Variants in DNAI2 observed in about 807,000 individuals in gnomAD.
The protein encoded by DNAI2 is dynein, axonemal, intermediate polypeptide 2.
A neutral mutation model predicts 74.7 loss-of-function variants in DNAI2; 63 were observed. The ratio of observed to expected loss-of-function variants is 0.84; its 90% CI spans 0.69 to 1.04. DNAI2 has a LOEUF of 1.04. Among genes scored for constraint, DNAI2 ranks in the 50% least tolerant of loss-of-function variants. DNAI2 has a pLI of 0.00. For synonymous variants in DNAI2, 289 were observed against 314.9 expected, an observed-to-expected ratio of 0.92 and a Z score of 0.87; for missense variants, 688 against 803.2, an observed-to-expected ratio of 0.86 and a Z score of 1.73.
rs1343486789 is a variant in DNAI2 at position 74,281,557 on chromosome 17, C to A, written c.-11-250C>A. On this transcript the variant is annotated intron_variant, in intron 1 of 13. Coordinates refer to ENST00000311014, the MANE Select transcript of DNAI2 (RefSeq NM_023036.6). ...ACAGTTGTCAGCTACCGCGCCTGGCCAAAATTTTTATTGCCCTCCTCAGAG... is the reference window on the plus strand; with the variant it reads ...ACAGTTGTCAGCTACCGCGCCTGGCAAAAATTTTTATTGCCCTCCTCAGAG... 5 of 586,684 alleles carry A rather than the reference C, an allele frequency of 8.5e-6. 1 individual carries two copies. 36.3% of individuals were successfully genotyped at this position (586,684 alleles called of 1,614,324 possible).
intron 3 of DNAI2, among the ~76,000 whole-genome samples, chr17:74,286,694 G>A (rs2051763144): frequency 6.6e-6 from 1 of 152,126 alleles, no homozygotes; most frequent in African/African-American, 2.4e-5. Flanking sequence ...CAAAGTGCTG[G>A]GATTACAGGC....
chr17:74,293,611 C>T (rs969191484), intron 6 of DNAI2, among the ~76,000 whole-genome samples: 27 of 151,570 alleles, frequency 1.8e-4, no homozygotes, highest in African/African-American at 6.0e-4. Context: ...GGCTAAGGCA[C>T]GAGAATCGCT....
In DNAI2 at chr17:74,300,213, G is replaced by C. The variant is rs1190693341; in HGVS notation, c.864+356G>C. Among the ~76,000 whole-genome samples, 3 of 152,144 alleles carry C rather than the reference G, an allele frequency of 2.0e-5. No homozygotes were observed. Among genetic ancestry groups the C allele is most frequent in the African/African-American group, 7.2e-5 (3 of 41,434 alleles). The stretch of plus-strand genomic sequence containing the variant: ...CCACCCGCCTTGGCCTCCCAAAGTG[G>C]TGGGATTACAGGCATGAGCCACTGC... On this transcript the variant is annotated intron_variant, in intron 7 of 13. Transcript: ENST00000311014. This position sits in a 1 kb window ranked among gnomAD's most constrained non-coding sequence, Gnocchi z 4.5.
intron 3 of DNAI2, 36 bp from the exon 4 acceptor site, chr17:74,286,941 A>G (rs372155299): frequency 1.9e-6 from 3 of 1,613,446 alleles, no homozygotes; most frequent in Non-Finnish European, 1.7e-6. Context: ...AAGGACCTCC[A>G]TTTACTGCGG....
intron 8 of DNAI2, among the ~76,000 whole-genome samples, chr17:74,304,189 T>TTTC (rs2053045288): frequency 1.8e-4 from 18 of 101,708 alleles, no homozygotes; most frequent in African/African-American, 9.6e-4. Flanking sequence ...CTTTTTTCTT[T>TTTC]TTTTTTTTTT....
At chr17:74,278,771 C>G (rs1365482869) in intron 1 of DNAI2, among the ~76,000 whole-genome samples, 1 of 150,986 alleles carries the variant, frequency 6.6e-6, no homozygotes, top group Non-Finnish European at 1.5e-5. Context: ...GAGATTCCAT[C>G]TCAAAAAAAA....
chr17:74,277,917 C>G lies in DNAI2; in HGVS notation c.-12+3572C>G, dbSNP rs117096441. Among the ~76,000 whole-genome samples the G allele has an allele frequency of 5.6e-4, 85 of 152,282 alleles. 1 individual carries two copies. The East Asian group carries it at 0.013, about 24-fold the overall frequency. On this transcript the variant is annotated intron_variant, in intron 1 of 13. Transcript: ENST00000311014. ...TCAAAGTTGGCTACACATGGAATTG[C>G]CTGGAGAATTAAAGAAAAAAAGCAT...
chr17:74,290,930 C>A, intron 5 of DNAI2, 90 bp from the exon 6 acceptor site: 2 of 1,148,856 alleles, frequency 1.7e-6, no homozygotes, highest in Non-Finnish European at 1.3e-6. Context: ...CCACCATGCC[C>A]CCGCTACCCA....
intron 6 of DNAI2, among the ~76,000 whole-genome samples, chr17:74,296,869 G>A (rs2052475408): frequency 6.6e-6 from 1 of 152,116 alleles, no homozygotes; most frequent in Admixed American, 6.5e-5. Flanking sequence ...ATCTTAACTA[G>A]GGCAAGTGAA....
At chr17:74,280,286 A>C (rs2051318584) in intron 1 of DNAI2, among the ~76,000 whole-genome samples, 1 of 152,104 alleles carries the variant, frequency 6.6e-6, no homozygotes, top group Non-Finnish European at 1.5e-5. Flanking sequence ...CTGCTGGAGC[A>C]CTTTCATTTC....
intron 6 of DNAI2, among the ~76,000 whole-genome samples, chr17:74,298,277 C>G (rs2052564798): frequency 6.6e-6 from 1 of 152,188 alleles, no homozygotes; most frequent in African/African-American, 2.4e-5. Flanking sequence ...CAAAGTAGAA[C>G]AGGCTTATCT....
At chr17:74,282,987 C>A (rs141008082) in intron 2 of DNAI2, among the ~76,000 whole-genome samples, 1 of 152,222 alleles carries the variant, frequency 6.6e-6, no homozygotes, top group African/African-American at 2.4e-5. Context: ...GCAGAATGGC[C>A]GCTATGTGGG....
In DNAI2 at chr17:74,310,003, G is replaced by T; in HGVS notation, c.1348-14G>T. On this transcript the variant is annotated splice_polypyrimidine_tract_variant and intron_variant, in intron 10 of 13. Coordinates refer to ENST00000311014, the MANE Select transcript of DNAI2 (RefSeq NM_023036.6). ...CTCTCTCCTCTACCTGGGTCTGCCC[G>T]GCCCCTTCAATAGGTGTGTGACGAG... 6.2e-6 allele frequency: 10 copies of T among 1,613,634 alleles called. No individual in the cohort carries two copies. The highest frequency in any genetic ancestry group is 1.3e-5 in the African/African-American group (1 of 75,020).
intron 1 of DNAI2, among the ~76,000 whole-genome samples, chr17:74,279,159 T>G (rs896765849): frequency 6.6e-6 from 1 of 152,118 alleles, no homozygotes; most frequent in Non-Finnish European, 1.5e-5. Context: ...AGAGGGAGAC[T>G]CCGTCTCAAA....
At chr17:74,305,146 T>A (rs993471038) in intron 8 of DNAI2, 73 bp from the exon 9 acceptor site, 3 of 1,528,666 alleles carry the variant, frequency 2.0e-6, no homozygotes, top group Non-Finnish European at 2.7e-6. Context: ...CCAAGCAAGC[T>A]CCTGTCCATG....
intron 6 of DNAI2, among the ~76,000 whole-genome samples, chr17:74,297,990 C>T (rs986782474): frequency 1.3e-5 from 2 of 152,238 alleles, no homozygotes; most frequent in Non-Finnish European, 2.9e-5. Context: ...GACCTGCTGC[C>T]TCCTGCCCAG....
rs1339534347 is a variant in DNAI2 at position 74,300,425 on chromosome 17, C to CTT, written c.864+570_864+571dup. Among the ~76,000 whole-genome samples the CTT allele has an allele frequency of 6.6e-6, 1 of 152,300 alleles. No homozygotes were observed. Among genetic ancestry groups the CTT allele is most frequent in the African/African-American group, 2.4e-5 (1 of 41,572 alleles). ...ATGCAAGGAAACACACCTCTCTCTT[C>CTT]TTTACTCTTTCTTTTTGCACACTTC... is the stretch of plus-strand genomic sequence containing the variant. On this transcript the variant is annotated intron_variant, in intron 7 of 13. Transcript: ENST00000311014. This position sits in a 1 kb window ranked among gnomAD's most constrained non-coding sequence, Gnocchi z 4.5.
chr17:74,311,904 C>A, intron 11 of DNAI2, 99 bp from the exon 12 acceptor site: 2 of 1,139,360 alleles, frequency 1.8e-6, no homozygotes, highest in Non-Finnish European at 2.6e-6. Flanking sequence ...GTATGGAGAG[C>A]AAGGAGAGCT....
At chr17:74,305,926 C>G (rs1247035773) in intron 9 of DNAI2, among the ~76,000 whole-genome samples, 1 of 152,184 alleles carries the variant, frequency 6.6e-6, no homozygotes. Context: ...CCCACCTCGG[C>G]CTCCCAAAGC....
Sources: gnomAD v4.1 joint callset for allele counts (sites outside exome capture counted in the v4.1 genomes callset) on GRCh38, gnomAD v4.1.1 for gene constraint, Gnocchi (gnomAD v3.1) non-coding constraint, MANE v1.5 for transcripts, NCBI Gene and HGNC (gene_info 2026-07-23, HGNC 2026-07-21) for gene names.